The following OTUD7A variants were observed in gnomAD, a reference collection of about 807,000 sequenced individuals.
The protein encoded by OTUD7A is OTU domain-containing protein 7A.
In OTUD7A, 12 loss-of-function variants were observed where a neutral mutation model predicts 65.7. That is an observed-to-expected ratio of 0.18 (90% CI 0.12 to 0.30). The LOEUF (loss-of-function observed/expected upper bound fraction) is 0.30. Ranked by LOEUF, OTUD7A falls within the 10% of genes least tolerant of loss-of-function variation. The pLI is 1.00. For synonymous variants in OTUD7A, 641 were observed against 586.3 expected, an observed-to-expected ratio of 1.09 and a Z score of -1.35; for missense variants, 1,148 against 1,304.8, an observed-to-expected ratio of 0.88 and a Z score of 1.85.
intron 3 of OTUD7A, among the ~76,000 whole-genome samples, chr15:31,616,226 C>G (rs562775884): frequency 1.3e-5 from 2 of 152,304 alleles, no homozygotes; most frequent in South Asian, 4.2e-4. Flanking sequence ...CTACTCTCTC[C>G]TTTGCTGTCT....
chr15:31,655,067 T>C (rs1474274706), intron 3 of OTUD7A, 29 bp downstream of exon 3: 3 of 1,608,984 alleles, frequency 1.9e-6, no homozygotes, highest in African/African-American at 2.7e-5. Context: ...CCCAGAATGG[T>C]GGTGTGGGGA....
intron 1 of OTUD7A, among the ~76,000 whole-genome samples, chr15:31,740,528 G>A (rs925575186): frequency 4.6e-5 from 7 of 152,160 alleles, no homozygotes; most frequent in Non-Finnish European, 1.0e-4. Context: ...ATGGTCTGGC[G>A]AGGACGGCTG....
chr15:31,792,612 T>G (rs1895847022), intron 1 of OTUD7A, among the ~76,000 whole-genome samples: 1 of 152,226 alleles, frequency 6.6e-6, no homozygotes, highest in African/African-American at 2.4e-5. Context: ...GGACCCTTGC[T>G]GACTCCTCAG....
chr15:31,563,851 A>C (rs1401930439), intron 4 of OTUD7A, among the ~76,000 whole-genome samples: 1 of 152,168 alleles, frequency 6.6e-6, no homozygotes, highest in East Asian at 1.9e-4. Context: ...ACAACATCTA[A>C]GGCTCTCCAG....
chr15:31,813,689 AAAG>A (rs1210134376), intron 1 of OTUD7A, among the ~76,000 whole-genome samples: 2 of 152,278 alleles, frequency 1.3e-5, no homozygotes, highest in African/African-American at 4.8e-5. Flanking sequence ...TTATTGAGTC[AAAG>A]AACCTTTATT....
chr15:31,753,683 TGAGA>T (rs1894703916), intron 1 of OTUD7A, among the ~76,000 whole-genome samples: 3 of 88,470 alleles, frequency 3.4e-5, no homozygotes, highest in African/African-American at 7.2e-5. Context: ...ATATAACCTG[TGAGA>T]TATATATATA....
In OTUD7A at chr15:31,484,098, C is replaced by G. The variant is rs777418666; in HGVS notation, c.1998G>C (p.Thr666=). 108 of 1,602,746 alleles carry G rather than the reference C, an allele frequency of 6.7e-5. 1 individual carries two copies. In the Middle Eastern group the frequency reaches 1.6e-3, roughly 24 times the overall value. Residue 666 remains threonine (T), a synonymous_variant, in exon 13 of 13, where the codon ACG becomes ACC. Transcript: ENST00000307050. This position sits in a 1 kb window ranked among gnomAD's most constrained non-coding sequence, Gnocchi z 4.5. ...CGGCGCTGAAGCGCTCCTGCGCGCT[C>G]GTCAGGTAGTAGCCGATCATCTCCT... ...FHEEMIGYYL[T]SAQERFSAEQ...
intron 3 of OTUD7A, among the ~76,000 whole-genome samples, chr15:31,578,735 A>T (rs564233760): frequency 6.6e-6 from 1 of 152,278 alleles, no homozygotes; most frequent in African/African-American, 2.4e-5. Context: ...TATTTTTAGT[A>T]GAGGTGGGGT....
At chr15:31,686,994 T>C (rs1595708546) in intron 1 of OTUD7A, among the ~76,000 whole-genome samples, 1 of 152,004 alleles carries the variant, frequency 6.6e-6, no homozygotes, top group East Asian at 1.9e-4. Context: ...GCTTCTAAAA[T>C]AACCTATATT....
At chr15:31,499,645 C>T (rs895534315) in intron 10 of OTUD7A, among the ~76,000 whole-genome samples, 1 of 152,232 alleles carries the variant, frequency 6.6e-6, no homozygotes, top group Non-Finnish European at 1.5e-5. Context: ...TGACAAAGAG[C>T]GTGGCCATGG....
chr15:31,859,709 A>C (rs1897671049), intron 1 of OTUD7A, among the ~76,000 whole-genome samples: 1 of 152,212 alleles, frequency 6.6e-6, no homozygotes, highest in Non-Finnish European at 1.5e-5. Flanking sequence ...GGCTTTTATA[A>C]AAGTCCCAAT....
At chr15:31,569,974 A>G (rs779559443) in intron 4 of OTUD7A, 44 bp downstream of exon 4, 1 of 1,604,312 alleles carries the variant, frequency 6.2e-7, no homozygotes. Flanking sequence ...GCTGCGGTGC[A>G]CTGGCCTGGG....
At chr15:31,509,133 T>G (rs2041633958) in intron 8 of OTUD7A, among the ~76,000 whole-genome samples, 1 of 152,172 alleles carries the variant, frequency 6.6e-6, no homozygotes, top group Non-Finnish European at 1.5e-5. Context: ...AAACTTTTTA[T>G]AATTTTTCTT....
intron 3 of OTUD7A, among the ~76,000 whole-genome samples, chr15:31,621,222 G>A (rs1014818507): frequency 6.6e-6 from 1 of 152,194 alleles, no homozygotes; most frequent in East Asian, 1.9e-4. Context: ...GTGACGTGGT[G>A]CTGAGAAGAA....
intron 8 of OTUD7A, among the ~76,000 whole-genome samples, chr15:31,512,050 C>T (rs1189434746): frequency 6.6e-6 from 1 of 152,152 alleles, no homozygotes; most frequent in Non-Finnish European, 1.5e-5. Context: ...GAATGTTTTA[C>T]TGCCCCTGCA....
intron 1 of OTUD7A, among the ~76,000 whole-genome samples, chr15:31,713,184 T>G (rs992090233): frequency 6.6e-6 from 1 of 152,182 alleles, no homozygotes; most frequent in South Asian, 2.1e-4. Context: ...ACAGTATACA[T>G]GAAAATCAAC....
rs1189870973 is a variant in OTUD7A at position 31,487,503 on chromosome 15, C to T, written c.1235G>A (p.Gly412Asp). ...LLPLHFAVDP[G>D]KDWEWGKDDN... ...GTCTTTCCCCCACTCCCAGTCCTTG[C>T]CAGGGTCCACTGCAAAGTGCAGAGG... The change falls in exon 11 of 13, where the codon GGC becomes GAC. Residue 412 changes from glycine (G) to aspartate (D), a missense_variant. Transcript: ENST00000307050. The surrounding 1 kb of genome is among the most constrained non-coding windows in gnomAD (Gnocchi z 6.0). 9 of 1,613,958 alleles carry T rather than the reference C, an allele frequency of 5.6e-6. No individual in the cohort carries two copies. In the Admixed American group the frequency reaches 1.5e-4, roughly 27 times the overall value.
At chr15:31,670,708 C>T (rs1393237014) in intron 1 of OTUD7A, among the ~76,000 whole-genome samples, 1 of 152,064 alleles carries the variant, frequency 6.6e-6, no homozygotes, top group African/African-American at 2.4e-5. Context: ...AAATCTTCTC[C>T]CGGCCGGGCG....
chr15:31,847,120 G>C (rs1319024781), intron 1 of OTUD7A, among the ~76,000 whole-genome samples: 2 of 152,228 alleles, frequency 1.3e-5, no homozygotes, highest in Non-Finnish European at 2.9e-5. Flanking sequence ...GGCCTGCAAG[G>C]GGCTAGCACA....
Sources: allele counts gnomAD v4.1 joint callset (sites outside exome capture counted in the v4.1 genomes callset), GRCh38; gene constraint gnomAD v4.1.1; non-coding constraint Gnocchi (gnomAD v3.1); transcripts MANE v1.5; gene names NCBI Gene and HGNC (gene_info 2026-07-23, HGNC 2026-07-21).